Variants in GHR observed in about 807,000 individuals in gnomAD.
GHR encodes GH receptor.
A neutral mutation model predicts 67.1 loss-of-function variants in GHR; 35 were observed. That is an observed-to-expected ratio of 0.52 (90% confidence interval 0.40 to 0.69). The LOEUF (loss-of-function observed/expected upper bound fraction) is 0.69. GHR is among the 30% of genes least tolerant of loss of function. The pLI is 0.00. For synonymous variants in GHR, 272 were observed against 269.1 expected (o/e 1.01, Z -0.10); for missense variants, 792 against 764.6 (o/e 1.04, Z -0.42).
chr5:42,522,539 T>C (rs974945958), intron 1 of GHR, among the ~76,000 whole-genome samples: 1 of 152,216 alleles, frequency 6.6e-6, no homozygotes, highest in African/African-American at 2.4e-5. Context: ...TATCTTCAAA[T>C]CATAAGCTTT....
intron 1 of GHR, among the ~76,000 whole-genome samples, chr5:42,489,539 T>A (rs941659303): frequency 6.6e-6 from 1 of 152,184 alleles, no homozygotes. Flanking sequence ...TTTTATGCAT[T>A]GATTGCCATT....
At chr5:42,441,747 G>A (rs1487298894) in intron 1 of GHR, among the ~76,000 whole-genome samples, 1 of 152,184 alleles carries the variant, frequency 6.6e-6, no homozygotes. Flanking sequence ...CTGACCTCAT[G>A]ATTCGCCTGC....
chr5:42,715,107 T>A (rs753846232), intron 8 of GHR: 3 of 365,450 alleles, frequency 8.2e-6, no homozygotes, highest in South Asian at 6.2e-5. Context: ...TTAACTATAA[T>A]GTTTAGTCAA....
intron 1 of GHR, among the ~76,000 whole-genome samples, chr5:42,470,157 A>C (rs1009002999): frequency 7.7e-6 from 1 of 130,384 alleles, no homozygotes; most frequent in African/African-American, 2.8e-5. Context: ...TATATATTAT[A>C]ATATATAAGA....
intron 2 of GHR, among the ~76,000 whole-genome samples, chr5:42,595,088 C>A (rs868005812): frequency 1.3e-5 from 2 of 152,160 alleles, no homozygotes; most frequent in Non-Finnish European, 2.9e-5. Context: ...CACAGTGCTT[C>A]CTACAATAAT....
intron 1 of GHR, among the ~76,000 whole-genome samples, chr5:42,437,424 T>C (rs758547089): frequency 2.6e-5 from 4 of 152,244 alleles, no homozygotes; most frequent in Non-Finnish European, 5.9e-5. Context: ...ATGTTGGATG[T>C]CTTATGGGCC....
chr5:42,490,175 G>A (rs188396067), intron 1 of GHR, among the ~76,000 whole-genome samples: 108 of 152,260 alleles, frequency 7.1e-4, no homozygotes, highest in African/African-American at 2.4e-3. Context: ...TGAAACACTG[G>A]AATGGTTCAT....
At chr5:42,569,866 A>G (rs1750180744) in intron 2 of GHR, among the ~76,000 whole-genome samples, 1 of 152,156 alleles carries the variant, frequency 6.6e-6, no homozygotes, top group Non-Finnish European at 1.5e-5. Flanking sequence ...ATTCTGTACC[A>G]TTCAAAGTAA....
intron 8 of GHR, among the ~76,000 whole-genome samples, chr5:42,715,391 G>C (rs1423669253): frequency 6.6e-6 from 1 of 152,184 alleles, no homozygotes; most frequent in African/African-American, 2.4e-5. Flanking sequence ...AGTGGCGTCA[G>C]GTCCTACATG....
intron 3 of GHR, among the ~76,000 whole-genome samples, chr5:42,663,469 T>C (rs1755771593): frequency 6.6e-6 from 1 of 152,164 alleles, no homozygotes; most frequent in African/African-American, 2.4e-5. Context: ...TAATCCAGCA[T>C]ATAAACAGAA....
chr5:42,430,607 C>CGTGTGTGTGT (rs141602161), intron 1 of GHR, among the ~76,000 whole-genome samples: 1,850 of 147,480 alleles, frequency 0.013, 10 homozygotes, highest in Middle Eastern at 0.021. Flanking sequence ...ATGCTAGTCC[C>CGTGTGTGTGT]GTGTGTGTGT....
intron 1 of GHR, chr5:42,467,358 G>A: frequency 1.0e-6 from 1 of 993,462 alleles, no homozygotes; most frequent in Non-Finnish European, 1.6e-6. Flanking sequence ...TCTGCGTAAA[G>A]GCTTTGCCAG....
intron 1 of GHR, among the ~76,000 whole-genome samples, chr5:42,432,122 G>A (rs749783518): frequency 3.9e-5 from 6 of 152,162 alleles, no homozygotes; most frequent in Non-Finnish European, 8.8e-5. Context: ...ATTTGAAGTA[G>A]CCTATTGAAA....
intron 3 of GHR, among the ~76,000 whole-genome samples, chr5:42,656,192 A>G (rs1755245785): frequency 6.6e-6 from 1 of 152,158 alleles, no homozygotes; most frequent in Admixed American, 6.5e-5. Flanking sequence ...TTCCTCTCAT[A>G]GCAAATGCAA....
intron 1 of GHR, among the ~76,000 whole-genome samples, chr5:42,450,476 G>T (rs193181492): frequency 3.3e-5 from 5 of 152,064 alleles, no homozygotes; most frequent in Non-Finnish European, 7.4e-5. Flanking sequence ...GCAATATCTC[G>T]TTTCATTTCT....
chr5:42,500,233 G>A (rs780813438), intron 1 of GHR, among the ~76,000 whole-genome samples: 41 of 152,224 alleles, frequency 2.7e-4, no homozygotes, highest in Non-Finnish European at 4.7e-4. Flanking sequence ...GCTGTAGACA[G>A]TGGGCCCAGA....
chr5:42,701,285 G>A (rs1297108284), intron 6 of GHR, among the ~76,000 whole-genome samples: 3 of 152,166 alleles, frequency 2.0e-5, no homozygotes, highest in African/African-American at 7.2e-5. Flanking sequence ...AATGAAGAAG[G>A]AAGAAAAAGC....
intron 3 of GHR, among the ~76,000 whole-genome samples, chr5:42,648,445 G>A (rs1754852752): frequency 6.6e-6 from 1 of 152,044 alleles, no homozygotes; most frequent in Non-Finnish European, 1.5e-5. Flanking sequence ...GTCATGAGTG[G>A]GTGTGTATGT....
At chr5:42,485,129 G>GA (rs1451512989) in intron 1 of GHR, among the ~76,000 whole-genome samples, 1 of 152,112 alleles carries the variant, frequency 6.6e-6, no homozygotes, top group African/African-American at 2.4e-5. Flanking sequence ...AGCATTGTTT[G>GA]AAAAATCGAT....
Sources: allele counts gnomAD v4.1 joint callset (sites outside exome capture counted in the v4.1 genomes callset), GRCh38; gene constraint gnomAD v4.1.1; transcripts MANE v1.5; gene names NCBI Gene and HGNC (gene_info 2026-07-23, HGNC 2026-07-21).